Variants in VCAN observed in about 807,000 individuals in gnomAD.
VCAN encodes the protein versican core protein.
In VCAN, 44 loss-of-function variants were observed where a neutral mutation model predicts 245.5. The observed-to-expected ratio is 0.18, with a 90% CI of 0.14 to 0.23. The LOEUF is 0.23. Among genes scored for constraint, VCAN ranks in the 10% least tolerant of loss-of-function variants. The pLI, the probability that VCAN is intolerant of heterozygous loss-of-function variation, is 1.00. For synonymous variants in VCAN, 1,413 were observed against 1,437.0 expected, an observed-to-expected ratio of 0.98 and a Z score of 0.38; for missense variants, 3,793 against 4,057.9, an observed-to-expected ratio of 0.93 and a Z score of 1.77.
chr5:83,556,079 C>T (rs1747655455), intron 12 of VCAN, among the ~76,000 whole-genome samples: 1 of 152,216 alleles, frequency 6.6e-6, no homozygotes, highest in Admixed American at 6.5e-5. Context: ...TCTGCTCTGT[C>T]TTAAGAGAAG....
At chr5:83,549,576 A>G (rs1390923966) in intron 10 of VCAN, among the ~76,000 whole-genome samples, 1 of 152,194 alleles carries the variant, frequency 6.6e-6, no homozygotes, top group African/African-American at 2.4e-5. Flanking sequence ...CACTTTATTT[A>G]TATGTTTATC....
chr5:83,556,604 C>T (rs1437449766), intron 12 of VCAN, among the ~76,000 whole-genome samples: 1 of 152,094 alleles, frequency 6.6e-6, no homozygotes, highest in Non-Finnish European at 1.5e-5. Flanking sequence ...TAATAATTGT[C>T]CTGGCTGGAT....
intron 6 of VCAN, among the ~76,000 whole-genome samples, chr5:83,517,276 G>A (rs979544349): frequency 3.9e-5 from 6 of 152,226 alleles, no homozygotes; most frequent in South Asian, 2.1e-4. Flanking sequence ...AGAGAGCTTG[G>A]ATTGGAACAT....
intron 5 of VCAN, among the ~76,000 whole-genome samples, chr5:83,509,682 C>T (rs539375708): frequency 6.6e-6 from 1 of 152,312 alleles, no homozygotes; most frequent in South Asian, 2.1e-4. Context: ...AATAACAAGT[C>T]CAAGGGTTCT....
Position 83,521,116 on chromosome 5 carries a change from T to A in VCAN, c.2810T>A (p.Val937Glu), listed in dbSNP as rs1487251546. ...EVEDVDLSKP[V>E]STVPQFAHTS... ...GAAGATGTGGACCTCTCTAAGCCAG[T>A]ATCTACTGTTCCCCAATTTGCACAC... Residue 937 changes from valine (V) to glutamate (E), a missense_variant, in exon 7 of 15, where the codon GTA (valine) becomes GAA (glutamate). Coordinates refer to ENST00000265077, the MANE Select transcript of VCAN (RefSeq NM_004385.5). 7.4e-6 allele frequency: 12 copies of A among 1,614,024 alleles called. No individual in the cohort carries two copies. The highest frequency in any genetic ancestry group is 9.3e-6 in the Non-Finnish European group (11 of 1,180,002).
intron 10 of VCAN, among the ~76,000 whole-genome samples, chr5:83,550,553 A>T (rs1747420818): frequency 6.6e-6 from 1 of 152,226 alleles, no homozygotes; most frequent in Non-Finnish European, 1.5e-5. Flanking sequence ...GCAGCTTGAC[A>T]AATGATCCTT....
intron 10 of VCAN, 150 bp from the exon 11 acceptor site, chr5:83,553,214 T>G (rs1361380275): frequency 7.0e-6 from 7 of 995,942 alleles, no homozygotes; most frequent in Non-Finnish European, 1.1e-5. Flanking sequence ...TCATAATAAT[T>G]TCTTTGTCAT....
intron 7 of VCAN, among the ~76,000 whole-genome samples, chr5:83,524,489 T>A (rs1167459272): frequency 6.6e-6 from 1 of 152,034 alleles, no homozygotes; most frequent in Non-Finnish European, 1.5e-5. Flanking sequence ...ATCTGTGGAA[T>A]AATTATGTAT....
rs746275671 is a variant in VCAN, at chr5:83,539,838, A to G, written c.6835A>G (p.Ile2279Val). The G allele has an allele frequency of 6.2e-7, 1 of 1,614,066 alleles. No homozygotes were observed. The highest frequency in any genetic ancestry group is 8.5e-7 in the Non-Finnish European group (1 of 1,180,000). Residue 2279 changes from isoleucine (I) to valine (V), a missense_variant, in exon 8 of 15, where the codon ATC becomes GTC. Coordinates refer to ENST00000265077, the MANE Select transcript of VCAN (RefSeq NM_004385.5). ...AGTGAATTTTACTGAAGTGGAACAAATCAATAACACATTATATCCCCACAC... is the reference window on the plus strand; with the variant it reads ...AGTGAATTTTACTGAAGTGGAACAAGTCAATAACACATTATATCCCCACAC... ...ESVNFTEVEQ[I>V]NNTLYPHTSQ...
At position 83,539,416 on chromosome 5, in the gene VCAN, C is replaced by T; in HGVS notation, c.6413C>T (p.Thr2138Ile). The stretch of plus-strand genomic sequence containing the variant: ...CAAAACTCTCCTGCAACAGAACAAA[C>T]AATCTTTGATTCACAGACATTTACT... ...SPQNSPATEQ[T>I]IFDSQTFTET... The change falls in exon 8 of 15, where the codon ACA (threonine) becomes ATA (isoleucine). Residue 2138 changes from threonine (T) to isoleucine (I), a missense_variant. Thr to Ile is a moderately conservative substitution (Grantham distance 89). Coordinates refer to ENST00000265077, the MANE Select transcript of VCAN (RefSeq NM_004385.5). 1 of 1,613,842 alleles carries T rather than the reference C, an allele frequency of 6.2e-7. No individual in the cohort carries two copies.
rs11959051 is a variant in VCAN, at chr5:83,510,147, T to C, written c.749-1956T>C. Among the ~76,000 whole-genome samples, 206 of 152,292 alleles carry C rather than the reference T, an allele frequency of 1.4e-3. 1 individual carries two copies. The highest frequency in any genetic ancestry group is 4.8e-3 in the African/African-American group (199 of 41,570). On this transcript the variant is annotated intron_variant, in intron 5 of 14. Coordinates refer to ENST00000265077, the MANE Select transcript of VCAN (RefSeq NM_004385.5). ...ACTGTCTTTTGCCAGACTAGATAAT[T>C]AAGAATAAAAAGCTATGTACACCTC...
chr5:83,566,496 T>A (rs1310540391), intron 12 of VCAN, among the ~76,000 whole-genome samples: 1 of 138,540 alleles, frequency 7.2e-6, no homozygotes, highest in Admixed American at 6.7e-5. Flanking sequence ...TAATCAGAAA[T>A]TCACCTTGAA....
rs747127047 is a variant in VCAN at position 83,538,891 on chromosome 5, C to A, written c.5888C>A (p.Ala1963Glu). The A allele has an allele frequency of 1.1e-5, 17 of 1,613,864 alleles. No homozygotes were observed. The Admixed American group carries it at 2.7e-4, about 25-fold the overall frequency. Residue 1963 changes from alanine (A) to glutamate (E), a missense_variant, in exon 8 of 15, where the codon GCA (alanine) becomes GAA (glutamate). Physicochemically the swap from Ala to Glu is moderately radical, Grantham distance 107. This residue lies in a region of VCAN where 3,182 missense variants were observed against 3,250.3 expected (regional missense o/e 0.98). Transcript: ENST00000265077. ...TVMMEGSGDA[A>E]FRDTQTSPST... ...ATGATGGAAGGCTCTGGAGATGCAG[C>A]ATTTAGGGACACCCAGACTTCACCA... is the stretch of plus-strand genomic sequence containing the variant.
intron 8 of VCAN, among the ~76,000 whole-genome samples, 157 bp from the exon 9 acceptor site, chr5:83,545,380 C>T (rs1444343946): frequency 6.6e-6 from 1 of 152,146 alleles, no homozygotes; most frequent in Non-Finnish European, 1.5e-5. Flanking sequence ...AGAAACACTC[C>T]AGAGAGTAAA....
chr5:83,475,663 A>G (rs1744362953), intron 1 of VCAN, among the ~76,000 whole-genome samples: 1 of 152,180 alleles, frequency 6.6e-6, no homozygotes. Context: ...CTGAGTAAAG[A>G]AAGAAATATG....
At chr5:83,530,847 T>C (rs1049068117) in intron 7 of VCAN, among the ~76,000 whole-genome samples, 1 of 152,058 alleles carries the variant, frequency 6.6e-6, no homozygotes, top group African/African-American at 2.4e-5. Flanking sequence ...TGATACAAAA[T>C]ATAAGAATAT....
rs142777690 is a variant in VCAN at position 83,512,203 on chromosome 5, C to T, written c.849C>T (p.Leu283=). 5.5e-5 allele frequency: 88 copies of T among 1,614,118 alleles called. No homozygotes were observed. In the African/African-American group the frequency reaches 1.1e-3, roughly 21 times the overall value. ...QDARLATVGE[L]QAAWRNGFDQ... ...CCAGGCTGGCAACAGTGGGGGAACTCCAGGCGGCATGGAGGAACGGCTTTG... is the reference window on the plus strand; with the variant it reads ...CCAGGCTGGCAACAGTGGGGGAACTTCAGGCGGCATGGAGGAACGGCTTTG... Residue 283 remains leucine (L), a synonymous_variant, in exon 6 of 15, where the codon CTC becomes CTT. Coordinates refer to ENST00000265077, the MANE Select transcript of VCAN (RefSeq NM_004385.5).
chr5:83,555,827 T>C (rs1229900598), intron 12 of VCAN, among the ~76,000 whole-genome samples: 2 of 152,198 alleles, frequency 1.3e-5, no homozygotes, highest in Non-Finnish European at 1.5e-5. Context: ...TTCTCAGTGT[T>C]CCACAGGTAA....
At chr5:83,529,809 A>G (rs573479610) in intron 7 of VCAN, among the ~76,000 whole-genome samples, 1 of 152,278 alleles carries the variant, frequency 6.6e-6, no homozygotes, top group African/African-American at 2.4e-5. Flanking sequence ...AGTGACTAGA[A>G]AGCACCAAGC....
Sources: gnomAD v4.1 joint callset for allele counts (sites outside exome capture counted in the v4.1 genomes callset) on GRCh38, gnomAD v4.1.1 for gene constraint, gnomAD v4.1.1 regional missense constraint, MANE v1.5 for transcripts, NCBI Gene and HGNC (gene_info 2026-07-23, HGNC 2026-07-21) for gene names.